LHFPL6: variants seen among roughly 807,000 people sequenced by gnomAD.
The protein encoded by LHFPL6 is LHFPL tetraspan subfamily member 6.
A neutral mutation model predicts 20.6 loss-of-function variants in LHFPL6; 9 were observed. The observed-to-expected ratio is 0.44, with a 90% confidence interval of 0.26 to 0.76. The LOEUF (loss-of-function observed/expected upper bound fraction) is 0.76. Among genes scored for constraint, LHFPL6 ranks in the 30% least tolerant of loss-of-function variants. The probability of loss-of-function intolerance (pLI) is 0.20; values close to 1 mark genes in which losing one functional copy is unlikely to be tolerated. For synonymous variants in LHFPL6, 105 were observed against 98.7 expected (o/e 1.06, Z -0.38); for missense variants, 218 against 253.5 (o/e 0.86, Z 0.95).
chr13:39,362,173 T>C (rs565142255), intron 3 of LHFPL6, among the ~76,000 whole-genome samples: 1 of 152,328 alleles, frequency 6.6e-6, no homozygotes, highest in African/African-American at 2.4e-5. Flanking sequence ...AGGGGCCTGG[T>C]GGGAGGTGAC....
At chr13:39,527,232 C>T (rs1446932626) in intron 2 of LHFPL6, among the ~76,000 whole-genome samples, 2 of 152,162 alleles carry the variant, frequency 1.3e-5, no homozygotes, top group African/African-American at 4.8e-5. Flanking sequence ...TTGCATTCTC[C>T]TTCATGTCTT....
intron 2 of LHFPL6, among the ~76,000 whole-genome samples, chr13:39,548,442 C>T (rs917862784): frequency 6.6e-6 from 1 of 151,976 alleles, no homozygotes. Flanking sequence ...ACTATTTGGG[C>T]AACAACATAA....
At chr13:39,430,241 C>A (rs73460943) in intron 2 of LHFPL6, among the ~76,000 whole-genome samples, 3,956 of 152,296 alleles carry the variant, frequency 0.026, 154 homozygotes, top group African/African-American at 0.087. Flanking sequence ...CCATCTTCAC[C>A]AAGCAACTGC....
chr13:39,437,075 A>G (rs1217602167), intron 2 of LHFPL6, among the ~76,000 whole-genome samples: 1 of 152,228 alleles, frequency 6.6e-6, no homozygotes, highest in Non-Finnish European at 1.5e-5. Context: ...ATTCTGGTAG[A>G]TGGTAAGTGC....
chr13:39,583,176 T>G (rs540521062), intron 2 of LHFPL6, among the ~76,000 whole-genome samples: 2 of 148,344 alleles, frequency 1.3e-5, no homozygotes, highest in South Asian at 4.5e-4. Flanking sequence ...ATTCTTTTTT[T>G]TTTTTTTTTT....
At chr13:39,541,537 T>A (rs1197240042) in intron 2 of LHFPL6, among the ~76,000 whole-genome samples, 6 of 152,122 alleles carry the variant, frequency 3.9e-5, no homozygotes, top group African/African-American at 1.4e-4. Context: ...CTTCTGTAAA[T>A]CTTATTATCC....
intron 2 of LHFPL6, among the ~76,000 whole-genome samples, chr13:39,401,738 G>GATATCATTTTATATC (rs1368225389): frequency 2.6e-5 from 4 of 152,052 alleles, no homozygotes; most frequent in African/African-American, 9.7e-5. Flanking sequence ...ATATCACTGT[G>GATATCATTTTATATC]AACAATTAAC....
chr13:39,478,005 T>C (rs185306126), intron 2 of LHFPL6, among the ~76,000 whole-genome samples: 4 of 152,334 alleles, frequency 2.6e-5, no homozygotes, highest in East Asian at 1.9e-4. Flanking sequence ...ACAGCATCCA[T>C]CTGGAAACCA....
At chr13:39,376,336 A>C (rs2138357826) in intron 3 of LHFPL6, among the ~76,000 whole-genome samples, 2 of 152,304 alleles carry the variant, frequency 1.3e-5, no homozygotes, top group South Asian at 4.1e-4. Context: ...TCAGCTTTGC[A>C]TGCCAGCATT....
intron 3 of LHFPL6, among the ~76,000 whole-genome samples, chr13:39,355,042 C>A (rs940716878): frequency 1.3e-5 from 2 of 148,310 alleles, no homozygotes; most frequent in Admixed American, 6.8e-5. Flanking sequence ...CATTCAAATT[C>A]AAAAAATTCT....
Position 39,468,039 on chromosome 13 carries a change from C to G in LHFPL6, c.386-89513G>C, listed in dbSNP as rs533014787. Among the ~76,000 whole-genome samples, 24 of 152,274 alleles carry G rather than the reference C, an allele frequency of 1.6e-4. No homozygotes were observed. The South Asian group carries it at 4.8e-3, about 30-fold the overall frequency. ...GAAGCCTTCCTCTTTTGCCCCATGC[C>G]TGTCAAATTAATATACTTGTTCCTC... is the stretch of plus-strand genomic sequence containing the variant. On this transcript the variant is annotated intron_variant, in intron 2 of 3. Transcript: ENST00000379589.
At chr13:39,486,587 C>T (rs574879854) in intron 2 of LHFPL6, among the ~76,000 whole-genome samples, 28 of 152,128 alleles carry the variant, frequency 1.8e-4, no homozygotes, top group Non-Finnish European at 4.0e-4. Flanking sequence ...TTACTATTAC[C>T]GCCAATATGA....
chr13:39,596,165 T>C (rs916655383), intron 2 of LHFPL6, among the ~76,000 whole-genome samples: 1 of 152,116 alleles, frequency 6.6e-6, no homozygotes, highest in African/African-American at 2.4e-5. Flanking sequence ...TAATATGCAC[T>C]GAGAGAGAAC....
At chr13:39,364,412 G>T (rs138265521) in intron 3 of LHFPL6, among the ~76,000 whole-genome samples, 2 of 152,230 alleles carry the variant, frequency 1.3e-5, no homozygotes, top group East Asian at 3.9e-4. Context: ...TCAAGGCCCT[G>T]TGTCACCCCA....
At chr13:39,367,394 T>C (rs1343856203) in intron 3 of LHFPL6, among the ~76,000 whole-genome samples, 1 of 152,124 alleles carries the variant, frequency 6.6e-6, no homozygotes, top group African/African-American at 2.4e-5. Context: ...AAGACAAAAA[T>C]GGCTTAAAAA....
chr13:39,378,435 A>G lies in LHFPL6; in HGVS notation c.477T>C (p.Phe159=). The G allele has an allele frequency of 6.2e-7, 1 of 1,613,826 alleles. No homozygotes were observed. The highest frequency in any genetic ancestry group is 8.5e-7 in the Non-Finnish European group (1 of 1,179,802). Residue 159 remains phenylalanine (F), a synonymous_variant, in exon 3 of 4, where the codon TTT becomes TTC. Coordinates refer to ENST00000379589, the MANE Select transcript of LHFPL6 (RefSeq NM_005780.3). The part of the protein sequence containing the change: ...RQTCGYTSGQ[F]DLGKCEIGWA... ...TCCATGAAGAAAGCTTACCCAGGTC[A>G]AACTGGCCAGAAGTGTAGCCACAAG...
chr13:39,362,242 G>A (rs1016231745), intron 3 of LHFPL6, among the ~76,000 whole-genome samples: 2 of 152,150 alleles, frequency 1.3e-5, no homozygotes, highest in Non-Finnish European at 2.9e-5. Context: ...GAGTTGTCAC[G>A]AGATCTGGTT....
intron 3 of LHFPL6, among the ~76,000 whole-genome samples, chr13:39,348,068 T>C (rs1043391809): frequency 6.6e-6 from 1 of 152,212 alleles, no homozygotes; most frequent in African/African-American, 2.4e-5. Flanking sequence ...AGTAAAGGGT[T>C]GGCTATCAGA....
At chr13:39,356,191 A>T (rs1222848211) in intron 3 of LHFPL6, among the ~76,000 whole-genome samples, 2 of 152,228 alleles carry the variant, frequency 1.3e-5, no homozygotes, top group Non-Finnish European at 2.9e-5. Flanking sequence ...GACCATACTG[A>T]AATAAAAATA....
Sources: gnomAD v4.1 joint callset for allele counts (sites outside exome capture counted in the v4.1 genomes callset) on GRCh38, gnomAD v4.1.1 for gene constraint, MANE v1.5 for transcripts, NCBI Gene and HGNC (gene_info 2026-07-23, HGNC 2026-07-21) for gene names.